RASEF: variants seen among roughly 807,000 people sequenced by gnomAD.
The protein encoded by RASEF is RAS and EF-hand domain containing.
A neutral mutation model predicts 90.1 loss-of-function variants in RASEF; 68 were observed. The observed-to-expected ratio is 0.75, with a 90% confidence interval of 0.62 to 0.92. The LOEUF (loss-of-function observed/expected upper bound fraction) is 0.92. Ranked by LOEUF, RASEF falls within the 40% of genes least tolerant of loss-of-function variation. RASEF has a pLI of 0.00. For synonymous variants in RASEF, 331 were observed against 345.2 expected (o/e 0.96, Z 0.46); for missense variants, 949 against 937.2 (o/e 1.01, Z -0.16).
chr9:83,113,119 A>T, the RASEF span, among the ~76,000 whole-genome samples: 3 of 152,168 alleles, frequency 2.0e-5, no homozygotes, highest in African/African-American at 7.2e-5. Context: ...GGAGGGACCG[A>T]CTGGAGCCGA....
At chr9:83,154,480 G>A in the RASEF span, among the ~76,000 whole-genome samples, 1 of 152,040 alleles carries the variant, frequency 6.6e-6, no homozygotes, top group Non-Finnish European at 1.5e-5. Flanking sequence ...ATTTCTCTCT[G>A]CATGAGTCAC....
At chr9:83,197,684 C>T in the RASEF span, among the ~76,000 whole-genome samples, 1 of 152,166 alleles carries the variant, frequency 6.6e-6, no homozygotes, top group Non-Finnish European at 1.5e-5. Flanking sequence ...AGAATCATGG[C>T]TCTCAGCTCC....
the RASEF span, among the ~76,000 whole-genome samples, chr9:83,214,907 G>A: frequency 6.6e-6 from 1 of 151,848 alleles, no homozygotes; most frequent in Non-Finnish European, 1.5e-5. Context: ...CCTAAACAAG[G>A]ATAGGCATTC....
At chr9:83,107,625 C>T in the RASEF span, among the ~76,000 whole-genome samples, 1 of 152,194 alleles carries the variant, frequency 6.6e-6, no homozygotes, top group Non-Finnish European at 1.5e-5. Flanking sequence ...AATCAACAGA[C>T]ATATTTAACG....
chr9:83,131,034 C>G, the RASEF span, among the ~76,000 whole-genome samples: 3 of 152,180 alleles, frequency 2.0e-5, no homozygotes, highest in Non-Finnish European at 4.4e-5. Context: ...CTGTAACACT[C>G]TACTTCTAGC....
the RASEF span, among the ~76,000 whole-genome samples, chr9:83,147,892 C>G: frequency 6.6e-6 from 1 of 152,000 alleles, no homozygotes; most frequent in African/African-American, 2.4e-5. Flanking sequence ...AACTCCTCTC[C>G]GACCATCCCC....
intron 8 of RASEF, 35 bp from the exon 9 acceptor site, chr9:83,004,621 T>A: frequency 1.5e-6 from 2 of 1,317,978 alleles, no homozygotes; most frequent in Non-Finnish European, 2.2e-6. Flanking sequence ...TTAGTTCATG[T>A]AATTTTCATG....
At chr9:83,025,754 A>ATCTT in intron 2 of RASEF, 21 bp downstream of exon 2, 4 of 1,610,628 alleles carry the variant, frequency 2.5e-6, no homozygotes, top group Non-Finnish European at 3.4e-6. Flanking sequence ...CAGGCCACTT[A>ATCTT]TAAAGGAAGG....
the RASEF span, among the ~76,000 whole-genome samples, chr9:83,173,412 T>C: frequency 1.3e-5 from 2 of 151,848 alleles, no homozygotes; most frequent in African/African-American, 2.4e-5. Context: ...ATTTTGTAAA[T>C]GTACTTTATT....
the RASEF span, among the ~76,000 whole-genome samples, chr9:83,213,088 CG>C: frequency 8.5e-6 from 1 of 117,138 alleles, no homozygotes; most frequent in East Asian, 2.4e-4. Flanking sequence ...ACAATGCACA[CG>C]TTTTAAAAAA....
the RASEF span, among the ~76,000 whole-genome samples, chr9:83,207,187 A>G: frequency 2.6e-5 from 4 of 152,138 alleles, no homozygotes; most frequent in Non-Finnish European, 5.9e-5. Flanking sequence ...TTCTGCTCCA[A>G]GAGAGTCTAT....
chr9:83,218,640 T>C, the RASEF span, among the ~76,000 whole-genome samples: 6 of 152,104 alleles, frequency 3.9e-5, no homozygotes, highest in Non-Finnish European at 8.8e-5. Flanking sequence ...CAGGTGTGTC[T>C]CTCTCATAAA....
At chr9:83,144,836 A>G in the RASEF span, among the ~76,000 whole-genome samples, 39 of 152,336 alleles carry the variant, frequency 2.6e-4, no homozygotes, top group African/African-American at 9.1e-4. Flanking sequence ...TTACAACTAT[A>G]AAACACTTAA....
Position 83,062,206 on chromosome 9 carries a change from C to G in RASEF, c.431+231G>C, listed in dbSNP as rs1051166919. Among the ~76,000 whole-genome samples the G allele has an allele frequency of 4.6e-5, 7 of 152,332 alleles. 1 individual carries two copies. The South Asian group carries it at 1.5e-3, about 32-fold the overall frequency. On this transcript the variant is annotated intron_variant, in intron 1 of 16. Coordinates refer to ENST00000376447, the MANE Select transcript of RASEF (RefSeq NM_152573.4). ...CCTGTAATGAACACGCCGCCCTTTG[C>G]AGGCTCAGGATTCAGCACGTAAAAC...
chr9:83,141,145 A>T, the RASEF span, among the ~76,000 whole-genome samples: 1 of 146,306 alleles, frequency 6.8e-6, no homozygotes, highest in Non-Finnish European at 1.5e-5. Context: ...TTCCATCTCA[A>T]AAAAAAAAAA....
chr9:83,138,663 T>C, the RASEF span, among the ~76,000 whole-genome samples: 1 of 152,094 alleles, frequency 6.6e-6, no homozygotes, highest in Non-Finnish European at 1.5e-5. Context: ...AATTGGCTAT[T>C]TTCCTATTTG....
intron 5 of RASEF, among the ~76,000 whole-genome samples, 180 bp downstream of exon 5, chr9:83,012,254 G>A (rs188006426): frequency 6.6e-6 from 1 of 152,276 alleles, no homozygotes; most frequent in Admixed American, 6.5e-5. Context: ...ACAATAAGTG[G>A]CATATTATTG....
chr9:83,042,969 C>G (rs1829867476), intron 1 of RASEF, among the ~76,000 whole-genome samples: 1 of 152,194 alleles, frequency 6.6e-6, no homozygotes, highest in South Asian at 2.1e-4. Context: ...TAAGCTGAAC[C>G]ACCATCTCCA....
the RASEF span, among the ~76,000 whole-genome samples, chr9:83,190,041 C>A: frequency 5.9e-5 from 9 of 152,164 alleles, no homozygotes; most frequent in Non-Finnish European, 8.8e-5. Context: ...TCGCTTCCCT[C>A]CCCCTGCAGT....
Sources: gnomAD v4.1 joint callset for allele counts (sites outside exome capture counted in the v4.1 genomes callset) on GRCh38, gnomAD v4.1.1 for gene constraint, MANE v1.5 for transcripts, NCBI Gene and HGNC (gene_info 2026-07-23, HGNC 2026-07-21) for gene names.